Variants in RIMS1 observed in about 807,000 individuals in gnomAD.
RIMS1 encodes the protein regulating synaptic membrane exocytosis protein 1.
Under a neutral mutation model 214.1 loss-of-function variants are expected in RIMS1, and 83 were observed. The ratio of observed to expected loss-of-function variants is 0.39; its 90% confidence interval spans 0.32 to 0.47. The LOEUF (loss-of-function observed/expected upper bound fraction) is 0.47. RIMS1 is among the 20% of genes least tolerant of loss of function. The pLI is 0.99. For missense variants in RIMS1, 2,050 were observed against 2,161.8 expected (o/e 0.95, Z 1.03); for synonymous variants, 793 against 786.8 (o/e 1.01, Z -0.13).
intron 28 of RIMS1, among the ~76,000 whole-genome samples, chr6:72,332,231 T>A (rs996446298): frequency 6.6e-6 from 1 of 151,732 alleles, no homozygotes; most frequent in African/African-American, 2.4e-5. Flanking sequence ...ATGAAGAAGA[T>A]CAAAATGGTA....
chr6:72,256,971 T>C (rs1173440026), intron 16 of RIMS1, among the ~76,000 whole-genome samples: 2 of 152,034 alleles, frequency 1.3e-5, no homozygotes, highest in Non-Finnish European at 2.9e-5. Flanking sequence ...ATTGTCAAAG[T>C]ACACTTAATG....
chr6:72,218,292 G>A (rs1383258073), intron 6 of RIMS1, among the ~76,000 whole-genome samples: 1 of 152,040 alleles, frequency 6.6e-6, no homozygotes, highest in Non-Finnish European at 1.5e-5. Context: ...TCTGAAAGTC[G>A]GCCAGGGACA....
chr6:72,045,213 A>C (rs955224026), intron 2 of RIMS1, among the ~76,000 whole-genome samples: 3 of 151,840 alleles, frequency 2.0e-5, no homozygotes, highest in African/African-American at 7.2e-5. Flanking sequence ...AAGGGATATA[A>C]GGGTACTTGT....
intron 6 of RIMS1, among the ~76,000 whole-genome samples, chr6:72,194,747 A>G (rs1364316458): frequency 6.6e-6 from 1 of 152,166 alleles, no homozygotes; most frequent in Non-Finnish European, 1.5e-5. Flanking sequence ...ATTCCTTTGA[A>G]TACACATGCA....
chr6:71,891,308 A>G (rs1047079301), intron 1 of RIMS1, among the ~76,000 whole-genome samples: 4 of 152,232 alleles, frequency 2.6e-5, no homozygotes, highest in African/African-American at 7.2e-5. Flanking sequence ...TTTTTTTCCT[A>G]CAAATCCTTC....
At chr6:72,363,939 C>T (rs1331826996) in intron 29 of RIMS1, among the ~76,000 whole-genome samples, 2 of 152,164 alleles carry the variant, frequency 1.3e-5, no homozygotes, top group African/African-American at 2.4e-5. Flanking sequence ...TCATCCCACA[C>T]AGCTTCCCGT....
intron 4 of RIMS1, among the ~76,000 whole-genome samples, chr6:72,111,847 T>G (rs1268835530): frequency 6.6e-6 from 1 of 152,080 alleles, no homozygotes; most frequent in African/African-American, 2.4e-5. Context: ...GGATTCAGAT[T>G]TCTTTCCCCA....
chr6:71,904,651 A>G (rs1774723926), intron 1 of RIMS1, among the ~76,000 whole-genome samples: 1 of 152,158 alleles, frequency 6.6e-6, no homozygotes, highest in Admixed American at 6.5e-5. Context: ...GAAAGCTAAT[A>G]TTTCTTAACT....
intron 28 of RIMS1, among the ~76,000 whole-genome samples, chr6:72,331,399 G>A (rs2096653539): frequency 1.3e-5 from 2 of 151,738 alleles, no homozygotes; most frequent in Admixed American, 6.6e-5. Context: ...TGGAGAGTGG[G>A]CTAAAATAAT....
At chr6:72,004,869 GT>G (rs1290372004) in intron 2 of RIMS1, among the ~76,000 whole-genome samples, 2 of 151,120 alleles carry the variant, frequency 1.3e-5, no homozygotes, top group East Asian at 3.9e-4. Flanking sequence ...AAGCTCTTTA[GT>G]TTAATTAGAT....
At chr6:72,181,809 A>G (rs1401903659) in intron 5 of RIMS1, among the ~76,000 whole-genome samples, 1 of 152,202 alleles carries the variant, frequency 6.6e-6, no homozygotes, top group African/African-American at 2.4e-5. Context: ...GGAGTTAGAA[A>G]CAGAAAATTA....
At position 72,089,129 on chromosome 6, in the gene RIMS1, A is replaced by G. The variant is rs530697406; in HGVS notation, c.246-7820A>G. On this transcript the variant is annotated intron_variant, in intron 2 of 33. Coordinates refer to ENST00000521978, the MANE Select transcript of RIMS1 (RefSeq NM_014989.7). ...TGACCCTCACAATATACATTTCAAA[A>G]TCATTTTAGGAAGTCTTACGAAAAA... is the stretch of plus-strand genomic sequence containing the variant. Among the ~76,000 whole-genome samples, 7 of 152,266 alleles carry G rather than the reference A, an allele frequency of 4.6e-5. No individual in the cohort carries two copies. In the South Asian group the frequency reaches 1.5e-3, roughly 32 times the overall value.
intron 22 of RIMS1, among the ~76,000 whole-genome samples, chr6:72,266,550 G>GAT (rs1456855629): frequency 1.3e-5 from 2 of 151,936 alleles, no homozygotes; most frequent in Non-Finnish European, 2.9e-5. Context: ...TCTACTCTTT[G>GAT]ATATAATGTT....
chr6:72,157,647 CTTTCTG>C (rs2153922855), intron 4 of RIMS1, among the ~76,000 whole-genome samples: 1 of 140,216 alleles, frequency 7.1e-6, no homozygotes, highest in South Asian at 2.3e-4. Context: ...TTTACTCTAT[CTTTCTG>C]TATCCTTATG....
In RIMS1 at chr6:72,185,304, A is replaced by G. The variant is rs568157975; in HGVS notation, c.1678+2155A>G. Among the ~76,000 whole-genome samples the G allele has an allele frequency of 1.1e-4, 4 of 37,298 alleles. No homozygotes were observed. The South Asian group carries it at 3.2e-3, about 30-fold the overall frequency. The allele number at this position is 37,298 out of a possible 152,430, so 24.5% of individuals were successfully genotyped here. On this transcript the variant is annotated intron_variant, in intron 6 of 33. Coordinates refer to ENST00000521978, the MANE Select transcript of RIMS1 (RefSeq NM_014989.7). ...TTGAAGATGCCATCGTTGTTATAGA[A>G]AAAAAACATGAAAGCCATCAGACCC...
At chr6:72,257,785 G>A (rs1398741299) in intron 16 of RIMS1, among the ~76,000 whole-genome samples, 1 of 152,134 alleles carries the variant, frequency 6.6e-6, no homozygotes, top group East Asian at 1.9e-4. Flanking sequence ...ATAGTTTCAT[G>A]TCAAGCACTT....
intron 6 of RIMS1, among the ~76,000 whole-genome samples, chr6:72,225,273 C>G (rs1206382269): frequency 1.3e-5 from 2 of 152,124 alleles, no homozygotes; most frequent in African/African-American, 4.8e-5. Flanking sequence ...TAAGAAGTAT[C>G]AGTCCCACAT....
intron 1 of RIMS1, among the ~76,000 whole-genome samples, chr6:71,956,576 T>C (rs1791363431): frequency 6.6e-6 from 1 of 152,302 alleles, no homozygotes. Context: ...ATCAAACTGA[T>C]GCAGTAGTCA....
intron 6 of RIMS1, among the ~76,000 whole-genome samples, chr6:72,185,404 T>G (rs541304424): frequency 3.5e-4 from 53 of 151,968 alleles, no homozygotes; most frequent in Non-Finnish European, 6.5e-4. Flanking sequence ...AAGGAAATCA[T>G]GAAAGAGATT....
Sources: gnomAD v4.1 joint callset for allele counts (sites outside exome capture counted in the v4.1 genomes callset) on GRCh38, gnomAD v4.1.1 for gene constraint, MANE v1.5 for transcripts, NCBI Gene and HGNC (gene_info 2026-07-23, HGNC 2026-07-21) for gene names.